Variants in IGF2 observed in about 807,000 individuals in gnomAD.
The protein encoded by IGF2 is insulin like growth factor 2.
Under a neutral mutation model 12.0 loss-of-function variants are expected in IGF2, and 2 were observed. That is an observed-to-expected ratio of 0.17 (90% confidence interval 0.07 to 0.52). IGF2 has a LOEUF of 0.52. Among genes scored for constraint, IGF2 ranks in the 20% least tolerant of loss-of-function variants. IGF2 has a pLI of 0.95. For synonymous variants in IGF2, 105 were observed against 110.1 expected, an observed-to-expected ratio of 0.95 and a Z score of 0.29; for missense variants, 211 against 268.0, an observed-to-expected ratio of 0.79 and a Z score of 1.48.
At position 2,133,435 on chromosome 11, in the gene IGF2, C is replaced by T. The variant is rs1858760379; in HGVS notation, c.306+82G>A. ...GGTCCTTGTCCCTGGCCAAGAGGTC[C>T]CAGAGGCCACAGGAAACGCTGGGCG... On this transcript the variant is annotated intron_variant, in intron 3 of 3. Transcript: ENST00000416167. The surrounding 1 kb of genome is among the most constrained non-coding windows in gnomAD (Gnocchi z 8.9). 2 of 1,460,850 alleles carry T rather than the reference C, an allele frequency of 1.4e-6. No homozygotes were observed. Among genetic ancestry groups the T allele is most frequent in the Admixed American group, 4.7e-5 (2 of 42,470 alleles). The allele number at this position is 1,460,850 out of a possible 1,614,324, so 90.5% of individuals were successfully genotyped here.
chr11:2,132,877 G>A lies in IGF2; in HGVS notation c.*110C>T. 2.6e-6 allele frequency: 2 copies of A among 773,046 alleles called. No homozygotes were observed. The highest frequency in any genetic ancestry group is 5.4e-5 in the East Asian group (2 of 37,184). The allele number at this position is 773,046 out of a possible 1,614,324, so 47.9% of individuals were successfully genotyped here. A position where few individuals can be genotyped will look rare whatever the true frequency, so the allele number is the denominator to read the frequency against. On this transcript the variant is annotated 3_prime_UTR_variant, in exon 4 of 4. Transcript: ENST00000416167. The stretch of plus-strand genomic sequence containing the variant: ...GGGGACTGGGTCAGGAGAAGCCCCA[G>A]GGGGACGTGGAACCGAGAGATTTTC...
chr11:2,141,708 A>G (rs1859610426), upstream of IGF2, among the ~76,000 whole-genome samples: 1 of 152,222 alleles, frequency 6.6e-6, no homozygotes, highest in Non-Finnish European at 1.5e-5. Context: ...GCCGGGGAAA[A>G]AATAACCTTC....
Position 2,133,229 on chromosome 11 carries a change from A to AG in IGF2, c.307-7dup. 1 of 1,525,198 alleles carries AG rather than the reference A, an allele frequency of 6.6e-7. No individual in the cohort carries two copies. The highest frequency in any genetic ancestry group is 2.3e-5 in the East Asian group (1 of 43,324). 94.5% of individuals were successfully genotyped at this position (1,525,198 alleles called of 1,614,324 possible). A position where few individuals can be genotyped will look rare whatever the true frequency, so the allele number is the denominator to read the frequency against. On this transcript the variant is annotated splice_region_variant and splice_polypyrimidine_tract_variant and intron_variant, in intron 3 of 3. Transcript: ENST00000416167. The surrounding 1 kb of genome is among the most constrained non-coding windows in gnomAD (Gnocchi z 8.9). ...GGGTATCTGGGGAAGTTGTCCTGGG[A>AG]GGGGAAGGGGCTGGTCAGCAGGTGC...
In IGF2 at chr11:2,130,097, G is replaced by T. The variant is rs545964592; in HGVS notation, c.*2890C>A. Reference sequence around the variant, plus strand: ...AAGATGTCACCGAGGGAGAGGGGAGGGTTCCTCAAGTGTGCGGAAGGCGGC... The same window carrying T: ...AAGATGTCACCGAGGGAGAGGGGAGTGTTCCTCAAGTGTGCGGAAGGCGGC... On this transcript the variant is annotated 3_prime_UTR_variant, in exon 4 of 4. Transcript: ENST00000416167. 4.3e-6 allele frequency: 1 copy of T among 230,294 alleles called. No individual in the cohort carries two copies. Among genetic ancestry groups the T allele is most frequent in the East Asian group, 6.1e-5 (1 of 16,290 alleles). 14.3% of individuals were successfully genotyped at this position (230,294 alleles called of 1,614,324 possible). A position where few individuals can be genotyped will look rare whatever the true frequency, so the allele number is the denominator to read the frequency against.
Position 2,129,460 on chromosome 11 carries a change from A to G in IGF2, c.*3527T>C, listed in dbSNP as rs1027081768. The G allele has an allele frequency of 1.7e-5, 4 of 229,524 alleles. No homozygotes were observed. The highest frequency in any genetic ancestry group is 2.6e-5 in the Non-Finnish European group (3 of 115,704). 14.2% of individuals were successfully genotyped at this position (229,524 alleles called of 1,614,324 possible). ...GGGAGAGCTGCAAACCTGGGGACGC[A>G]AGGGGCTGGTCGGCAAGTGCCCCCG... On this transcript the variant is annotated 3_prime_UTR_variant, in exon 4 of 4. Transcript: ENST00000416167. This position sits in a 1 kb window ranked among gnomAD's most constrained non-coding sequence, Gnocchi z 8.1.
At position 2,131,176 on chromosome 11, in the gene IGF2, G is replaced by C. The variant is rs561607562; in HGVS notation, c.*1811C>G. ...ATGGTGGAAAGATGGAATTAGGCCT[G>C]GGACACACCCCGCCCACCCTACGGG... On this transcript the variant is annotated 3_prime_UTR_variant, in exon 4 of 4. Transcript: ENST00000416167. 65 of 233,104 alleles carry C rather than the reference G, an allele frequency of 2.8e-4. No individual in the cohort carries two copies. In the South Asian group the frequency reaches 0.011, roughly 41 times the overall value. 14.4% of individuals were successfully genotyped at this position (233,104 alleles called of 1,614,324 possible).
chr11:2,149,451 A>G, the IGF2 span: 1 of 962,316 alleles, frequency 1.0e-6, no homozygotes, highest in South Asian at 1.5e-5. Context: ...TGCCAACTGA[A>G]ATGATGGGTT....
chr11:2,140,488 C>G (rs961043005), upstream of IGF2: 5 of 593,856 alleles, frequency 8.4e-6, no homozygotes, highest in Admixed American at 6.3e-5. Flanking sequence ...TTCGCCCGCG[C>G]TCCGCGCGCG....
chr11:2,130,198 G>A lies in IGF2; in HGVS notation c.*2789C>T. The A allele has an allele frequency of 4.3e-6, 1 of 231,222 alleles. No individual in the cohort carries two copies. 14.3% of individuals were successfully genotyped at this position (231,222 alleles called of 1,614,324 possible). On this transcript the variant is annotated 3_prime_UTR_variant, in exon 4 of 4. Coordinates refer to ENST00000416167, the MANE Select transcript of IGF2 (RefSeq NM_000612.6). Reference sequence around the variant, plus strand: ...TTCCCCTCCGGCCAGCCTCAGGCCAGCCAGGAGCCCCCTCCTGTGGCCTCC... The same window carrying A: ...TTCCCCTCCGGCCAGCCTCAGGCCAACCAGGAGCCCCCTCCTGTGGCCTCC...
chr11:2,149,229 A>C, the IGF2 span: 2 of 1,613,428 alleles, frequency 1.2e-6, no homozygotes, highest in Non-Finnish European at 1.7e-6. Context: ...TGCCTGGACG[A>C]TGATCCGCCG....
chr11:2,140,197 T>C (rs1859463346), upstream of IGF2: 2 of 1,613,278 alleles, frequency 1.2e-6, no homozygotes, highest in Non-Finnish European at 1.7e-6. Context: ...ACCCAAAATA[T>C]CTGGATAATG....
rs1018412630 is a variant in IGF2 at position 2,139,118 on chromosome 11, C to G, written c.-896G>C. 6.2e-6 allele frequency: 1 copy of G among 160,040 alleles called. No homozygotes were observed. Among genetic ancestry groups the G allele is most frequent in the Admixed American group, 6.6e-5 (1 of 15,190 alleles). 9.9% of individuals were successfully genotyped at this position (160,040 alleles called of 1,614,324 possible). On this transcript the variant is annotated 5_prime_UTR_variant, in exon 1 of 4. Transcript: ENST00000416167. ...GAGCCGGACTGCCTGCGGGGGGAAC[C>G]GCCTCCTCGGGCGAAGCGGGGATGG...
chr11:2,148,824 C>T, the IGF2 span: 1 of 438,668 alleles, frequency 2.3e-6, no homozygotes, highest in Non-Finnish European at 4.1e-6. The surrounding 1 kb of genome is among the most constrained non-coding windows in gnomAD (Gnocchi z 4.3). Context: ...TAGCCCTCCT[C>T]CCCTACCCCT....
At chr11:2,142,698 AC>A (rs754889468), upstream of IGF2, among the ~76,000 whole-genome samples, 2 of 152,196 alleles carry the variant, frequency 1.3e-5, no homozygotes, top group Non-Finnish European at 2.9e-5. The surrounding 1 kb of genome is among the most constrained non-coding windows in gnomAD (Gnocchi z 5.7). Flanking sequence ...AGCTCCTGGG[AC>A]CCAGAGAATT....
In IGF2 at chr11:2,133,619, C is replaced by T. The variant is rs1422971570; in HGVS notation, c.204G>A (p.Glu68=). The change falls in exon 3 of 4, where the codon GAG becomes GAA. Residue 68 remains glutamate, a synonymous_variant. Transcript: ENST00000416167. This position sits in a 1 kb window ranked among gnomAD's most constrained non-coding sequence, Gnocchi z 8.9. ...GGTCACAGCTGCGGAAACAGCACTCCTCAACGATGCCACGGCTGCGACGGC... is the reference window on the plus strand; with the variant it reads ...GGTCACAGCTGCGGAAACAGCACTCTTCAACGATGCCACGGCTGCGACGGC... The part of the protein sequence containing the change: ...RVSRRSRGIV[E]ECCFRSCDLA... 5 of 1,613,062 alleles carry T rather than the reference C, an allele frequency of 3.1e-6. No homozygotes were observed. The South Asian group carries it at 3.3e-5, about 11-fold the overall frequency.
In IGF2 at chr11:2,132,880, G is replaced by T; in HGVS notation, c.*107C>A. 1 of 782,126 alleles carries T rather than the reference G, an allele frequency of 1.3e-6. No homozygotes were observed. Among genetic ancestry groups the T allele is most frequent in the Non-Finnish European group, 2.1e-6 (1 of 482,578 alleles). The allele number at this position is 782,126 out of a possible 1,614,324, so 48.4% of individuals were successfully genotyped here. A position where few individuals can be genotyped will look rare whatever the true frequency, so the allele number is the denominator to read the frequency against. ...GACTGGGTCAGGAGAAGCCCCAGGG[G>T]GACGTGGAACCGAGAGATTTTCGGG... On this transcript the variant is annotated 3_prime_UTR_variant, in exon 4 of 4. Coordinates refer to ENST00000416167, the MANE Select transcript of IGF2 (RefSeq NM_000612.6).
Position 2,131,808 on chromosome 11 carries a change from G to A in IGF2, c.*1179C>T. On this transcript the variant is annotated 3_prime_UTR_variant, in exon 4 of 4. Transcript: ENST00000416167. ...CTGTGTGCTAGTGTGTGTGCTGTGTGTGCATGTGTGTGCGTGTGCTGTGCG... is the reference window on the plus strand; with the variant it reads ...CTGTGTGCTAGTGTGTGTGCTGTGTATGCATGTGTGTGCGTGTGCTGTGCG... 1 of 176,792 alleles carries A rather than the reference G, an allele frequency of 5.7e-6. No homozygotes were observed. Among genetic ancestry groups the A allele is most frequent in the Admixed American group, 7.2e-5 (1 of 13,816 alleles). The allele number at this position is 176,792 out of a possible 1,614,324, so 11.0% of individuals were successfully genotyped here.
At chr11:2,140,748 C>G, upstream of IGF2, 1 of 336,526 alleles carries the variant, frequency 3.0e-6, no homozygotes, top group Non-Finnish European at 5.6e-6. Flanking sequence ...CCGGCCTCCC[C>G]GGCGGCAGCC....
At chr11:2,135,168 CGT>C (rs1334910657) in intron 2 of IGF2, among the ~76,000 whole-genome samples, 197 bp downstream of exon 2, 1 of 152,156 alleles carries the variant, frequency 6.6e-6, no homozygotes, top group Non-Finnish European at 1.5e-5. Flanking sequence ...TCGAAGGAGG[CGT>C]GTGATGGGAA....
Sources: gnomAD v4.1 joint callset for allele counts (sites outside exome capture counted in the v4.1 genomes callset) on GRCh38, gnomAD v4.1.1 for gene constraint, Gnocchi (gnomAD v3.1) non-coding constraint, MANE v1.5 for transcripts, NCBI Gene and HGNC (gene_info 2026-07-23, HGNC 2026-07-21) for gene names.